Variants in SCARA5 observed in about 807,000 individuals in gnomAD.
SCARA5 encodes scavenger receptor class A, member 5 (putative).
In SCARA5, 45 loss-of-function variants were observed where a neutral mutation model predicts 46.3. The ratio of observed to expected loss-of-function variants is 0.97; its 90% CI spans 0.76 to 1.24. The LOEUF is 1.24. SCARA5 is among the 50% of genes most tolerant of loss of function. SCARA5 has a pLI of 0.00. For missense variants in SCARA5, 680 were observed against 689.0 expected, an observed-to-expected ratio of 0.99 and a Z score of 0.15; for synonymous variants, 333 against 306.5, an observed-to-expected ratio of 1.09 and a Z score of -0.90.
At position 27,928,665 on chromosome 8, in the gene SCARA5, T is replaced by C. The variant is rs1585495482; in HGVS notation, c.242-6420A>G. ...TTCTTTCTCTTTTTCTTTTCTTTTT[T>C]TTTCTTTCTTTCTTTATTGAGACAG... On this transcript the variant is annotated intron_variant, in intron 3 of 8. Transcript: ENST00000354914. Among the ~76,000 whole-genome samples the C allele has an allele frequency of 1.3e-5, 2 of 152,274 alleles. 1 individual carries two copies. The highest frequency in any genetic ancestry group is 1.3e-4 in the Admixed American group (2 of 15,290).
chr8:27,961,131 G>C (rs935220584), intron 3 of SCARA5, among the ~76,000 whole-genome samples: 2 of 152,140 alleles, frequency 1.3e-5, no homozygotes, highest in Non-Finnish European at 2.9e-5. Context: ...TAATAATAGT[G>C]GTAATACCAA....
intron 7 of SCARA5, among the ~76,000 whole-genome samples, chr8:27,888,621 G>GCAAATAAA (rs1285434878): frequency 6.6e-6 from 1 of 152,192 alleles, no homozygotes; most frequent in Non-Finnish European, 1.5e-5. Flanking sequence ...TTGGTGCCTT[G>GCAAATAAA]CAAATAAACA....
intron 7 of SCARA5, among the ~76,000 whole-genome samples, chr8:27,892,505 G>A (rs535494788): frequency 2.1e-4 from 32 of 152,232 alleles, no homozygotes; most frequent in Non-Finnish European, 3.1e-4. Context: ...TGATTCCTGT[G>A]GGGAGATAAC....
chr8:27,942,279 C>T (rs955597893), intron 3 of SCARA5, among the ~76,000 whole-genome samples: 1 of 152,184 alleles, frequency 6.6e-6, no homozygotes, highest in Admixed American at 6.5e-5. Context: ...ATGATTGTGA[C>T]TTTCTGGCTG....
At chr8:27,954,318 G>A (rs1419211397) in intron 3 of SCARA5, among the ~76,000 whole-genome samples, 2 of 152,084 alleles carry the variant, frequency 1.3e-5, no homozygotes, top group East Asian at 3.8e-4. Flanking sequence ...GTGGTCTTAT[G>A]AACAACCCCA....
intron 2 of SCARA5, among the ~76,000 whole-genome samples, chr8:27,979,468 G>A (rs1778545046): frequency 6.6e-6 from 1 of 152,156 alleles, no homozygotes; most frequent in Non-Finnish European, 1.5e-5. Context: ...GGGAAGATGA[G>A]GATAAGAGCT....
chr8:27,913,826 C>A (rs1444417157), intron 4 of SCARA5, among the ~76,000 whole-genome samples: 4 of 152,248 alleles, frequency 2.6e-5, no homozygotes, highest in African/African-American at 9.6e-5. Context: ...ACCCCTTCTG[C>A]TGCAAACTTA....
intron 2 of SCARA5, among the ~76,000 whole-genome samples, chr8:27,973,400 C>T (rs968749595): frequency 1.3e-5 from 2 of 152,034 alleles, no homozygotes; most frequent in Non-Finnish European, 2.9e-5. Flanking sequence ...CTGCTGGAAC[C>T]CAGGGGGCGG....
chr8:27,886,945 T>C (rs1490600121), intron 7 of SCARA5, among the ~76,000 whole-genome samples: 3 of 151,960 alleles, frequency 2.0e-5, no homozygotes, highest in Non-Finnish European at 4.4e-5. Flanking sequence ...CCCAGGAGGG[T>C]CCCTGCAGGG....
intron 2 of SCARA5, among the ~76,000 whole-genome samples, chr8:27,968,634 A>G (rs528571102): frequency 2.0e-5 from 3 of 152,312 alleles, no homozygotes; most frequent in East Asian, 1.9e-4. Context: ...ATAATATTAT[A>G]CAATTACTGG....
chr8:27,958,297 C>T (rs945942092), intron 3 of SCARA5, among the ~76,000 whole-genome samples: 1 of 152,206 alleles, frequency 6.6e-6, no homozygotes, highest in African/African-American at 2.4e-5. Context: ...GATCCCTCCT[C>T]CTCCCCCTCT....
intron 2 of SCARA5, among the ~76,000 whole-genome samples, chr8:27,973,901 C>A (rs1399135354): frequency 6.6e-6 from 1 of 152,154 alleles, no homozygotes; most frequent in Non-Finnish European, 1.5e-5. Context: ...TTGTATTATT[C>A]CTAGAGGTAA....
At chr8:27,890,736 C>T (rs1232594070) in intron 7 of SCARA5, among the ~76,000 whole-genome samples, 1 of 152,254 alleles carries the variant, frequency 6.6e-6, no homozygotes, top group African/African-American at 2.4e-5. Context: ...TCGCTGTGCA[C>T]ACAGTGACTT....
chr8:27,944,705 G>GAAAA (rs11368469), intron 3 of SCARA5, among the ~76,000 whole-genome samples: 6 of 138,956 alleles, frequency 4.3e-5, no homozygotes, highest in African/African-American at 8.0e-5. Context: ...TGTAAAAATA[G>GAAAA]AAAAAAAAAA....
chr8:27,968,265 A>G (rs570768915), intron 2 of SCARA5, among the ~76,000 whole-genome samples: 1 of 152,342 alleles, frequency 6.6e-6, no homozygotes, highest in East Asian at 1.9e-4. Context: ...TACTGCTGTT[A>G]AACCAGCTAA....
At chr8:27,902,349 C>T (rs972725937) in intron 7 of SCARA5, among the ~76,000 whole-genome samples, 5 of 152,118 alleles carry the variant, frequency 3.3e-5, no homozygotes, top group African/African-American at 4.8e-5. Flanking sequence ...CAGGGAGCCC[C>T]GCACCCCTGT....
At chr8:27,907,971 G>T (rs1366268753) in intron 5 of SCARA5, among the ~76,000 whole-genome samples, 1 of 152,070 alleles carries the variant, frequency 6.6e-6, no homozygotes, top group African/African-American at 2.4e-5. Context: ...ACATTGGGAG[G>T]GATTATTCTG....
chr8:27,984,332 C>A (rs1259687342), intron 2 of SCARA5, among the ~76,000 whole-genome samples: 1 of 152,226 alleles, frequency 6.6e-6, no homozygotes, highest in African/African-American at 2.4e-5. Context: ...TCTCAACACT[C>A]TACTCTGCCT....
chr8:27,985,279 A>G (rs1361214674), intron 2 of SCARA5, among the ~76,000 whole-genome samples: 1 of 152,072 alleles, frequency 6.6e-6, no homozygotes, highest in Admixed American at 6.5e-5. Flanking sequence ...AGGTGAGAGC[A>G]TGGACCAAGT....
Sources: allele counts gnomAD v4.1 joint callset (sites outside exome capture counted in the v4.1 genomes callset), GRCh38; gene constraint gnomAD v4.1.1; transcripts MANE v1.5; gene names NCBI Gene and HGNC (gene_info 2026-07-23, HGNC 2026-07-21).